ROBO1: variants seen among roughly 807,000 people sequenced by gnomAD.
ROBO1 encodes roundabout homolog 1.
Under a neutral mutation model 195.9 loss-of-function variants are expected in ROBO1, and 149 were observed. That is an observed-to-expected ratio of 0.76 (90% confidence interval 0.67 to 0.87). The LOEUF (loss-of-function observed/expected upper bound fraction) is 0.87. ROBO1 is among the 40% of genes least tolerant of loss of function. The pLI is 0.00. For missense variants in ROBO1, 1,933 were observed against 2,068.3 expected, an observed-to-expected ratio of 0.93 and a Z score of 1.27; for synonymous variants, 816 against 733.2, an observed-to-expected ratio of 1.11 and a Z score of -1.82.
chr3:79,142,570 T>C (rs1377912449), intron 2 of ROBO1, among the ~76,000 whole-genome samples: 1 of 152,166 alleles, frequency 6.6e-6, no homozygotes, highest in Non-Finnish European at 1.5e-5. Context: ...TGCACATGTT[T>C]AGAGTGGACA....
intron 2 of ROBO1, among the ~76,000 whole-genome samples, chr3:79,477,043 A>T (rs1015026715): frequency 3.3e-5 from 5 of 152,126 alleles, no homozygotes; most frequent in African/African-American, 4.8e-5. Flanking sequence ...CAGAACGTCA[A>T]ATTTCCATGA....
intron 2 of ROBO1, among the ~76,000 whole-genome samples, chr3:79,486,318 T>G (rs1450524083): frequency 1.3e-5 from 2 of 152,178 alleles, no homozygotes; most frequent in Non-Finnish European, 2.9e-5. Context: ...TTCTTTAATG[T>G]ACAAAGGTAA....
At chr3:79,110,499 C>T (rs2079865798) in intron 3 of ROBO1, among the ~76,000 whole-genome samples, 2 of 151,786 alleles carry the variant, frequency 1.3e-5, no homozygotes, top group African/African-American at 2.4e-5. Context: ...AAAATACCTC[C>T]TGTCATTTCT....
intron 2 of ROBO1, among the ~76,000 whole-genome samples, chr3:79,344,934 C>T (rs2035053221): frequency 6.6e-6 from 1 of 152,122 alleles, no homozygotes. Context: ...TTCTCTCCTG[C>T]TGCCATGTGA....
chr3:79,381,908 A>G (rs2036587639), intron 2 of ROBO1, among the ~76,000 whole-genome samples: 1 of 152,116 alleles, frequency 6.6e-6, no homozygotes, highest in Non-Finnish European at 1.5e-5. Flanking sequence ...ATTTTCTCCA[A>G]ATACTCTGAC....
chr3:79,580,133 C>G (rs916593809), intron 2 of ROBO1, among the ~76,000 whole-genome samples: 5 of 151,714 alleles, frequency 3.3e-5, no homozygotes, highest in African/African-American at 1.2e-4. Flanking sequence ...CCTGGTAATT[C>G]AGAGAATGAC....
intron 2 of ROBO1, among the ~76,000 whole-genome samples, chr3:79,430,953 G>A (rs560967421): frequency 6.6e-5 from 10 of 152,216 alleles, no homozygotes; most frequent in African/African-American, 2.4e-4. Flanking sequence ...GGAAGTATAA[G>A]TATTTGTAGT....
At chr3:79,254,831 C>G (rs1231587353) in intron 2 of ROBO1, among the ~76,000 whole-genome samples, 1 of 152,110 alleles carries the variant, frequency 6.6e-6, no homozygotes, top group African/African-American at 2.4e-5. Context: ...CTATGATCCT[C>G]CTCAGTTCTC....
At chr3:78,781,384 A>C (rs1450379265) in intron 4 of ROBO1, among the ~76,000 whole-genome samples, 1 of 152,206 alleles carries the variant, frequency 6.6e-6, no homozygotes, top group Non-Finnish European at 1.5e-5. Context: ...GCCTCAAAGC[A>C]CAAACTCTAA....
chr3:79,721,208 G>T (rs1339652524), intron 1 of ROBO1, among the ~76,000 whole-genome samples: 1 of 152,134 alleles, frequency 6.6e-6, no homozygotes, highest in African/African-American at 2.4e-5. Context: ...GCCAAGTGAA[G>T]AACCCCTGTG....
At chr3:79,026,440 C>T (rs1213442989) in intron 3 of ROBO1, among the ~76,000 whole-genome samples, 1 of 151,928 alleles carries the variant, frequency 6.6e-6, no homozygotes, top group Non-Finnish European at 1.5e-5. Flanking sequence ...CATTTTGGGA[C>T]TCAATTCAAG....
At chr3:79,732,682 T>A (rs1703203346) in intron 1 of ROBO1, among the ~76,000 whole-genome samples, 1 of 152,210 alleles carries the variant, frequency 6.6e-6, no homozygotes, top group Non-Finnish European at 1.5e-5. Context: ...CCCTGTCTTA[T>A]TTCAGTTTTA....
At chr3:78,845,640 G>A (rs2033612352) in intron 4 of ROBO1, among the ~76,000 whole-genome samples, 1 of 152,088 alleles carries the variant, frequency 6.6e-6, no homozygotes, top group Non-Finnish European at 1.5e-5. Context: ...TAATACACAA[G>A]CAAATGCTGT....
intron 18 of ROBO1, among the ~76,000 whole-genome samples, chr3:78,655,000 C>T (rs952195464): frequency 1.3e-5 from 2 of 152,150 alleles, no homozygotes; most frequent in African/African-American, 4.8e-5. Context: ...CTCCACATCT[C>T]ATATAAACGT....
intron 2 of ROBO1, among the ~76,000 whole-genome samples, chr3:79,280,838 C>G (rs2031449779): frequency 6.6e-6 from 1 of 152,132 alleles, no homozygotes; most frequent in East Asian, 1.9e-4. Context: ...AGGGTTTGAG[C>G]TCCTATGAGA....
At chr3:79,571,308 T>C (rs1387724586) in intron 2 of ROBO1, among the ~76,000 whole-genome samples, 6 of 152,066 alleles carry the variant, frequency 3.9e-5, no homozygotes, top group Non-Finnish European at 8.8e-5. Flanking sequence ...TTAAATAAAA[T>C]ATAGTTTGAG....
chr3:79,065,722 T>C (rs1184873780), intron 3 of ROBO1, among the ~76,000 whole-genome samples: 1 of 151,914 alleles, frequency 6.6e-6, no homozygotes, highest in Non-Finnish European at 1.5e-5. Context: ...ATTTAAAAGG[T>C]CTAGTTAGTT....
intron 4 of ROBO1, among the ~76,000 whole-genome samples, chr3:78,795,647 A>G (rs1295045224): frequency 2.0e-5 from 3 of 152,194 alleles, no homozygotes; most frequent in Admixed American, 2.0e-4. Context: ...GTTATAACAC[A>G]GAAGTACAAT....
At chr3:79,320,860 C>A (rs2033950117) in intron 2 of ROBO1, among the ~76,000 whole-genome samples, 2 of 152,204 alleles carry the variant, frequency 1.3e-5, no homozygotes, top group South Asian at 2.1e-4. Context: ...TATATTTAAT[C>A]TTTATAAAAT....
Sources: gnomAD v4.1 joint callset for allele counts (sites outside exome capture counted in the v4.1 genomes callset) on GRCh38, gnomAD v4.1.1 for gene constraint, MANE v1.5 for transcripts, NCBI Gene and HGNC (gene_info 2026-07-23, HGNC 2026-07-21) for gene names.